TRMT1: variants seen among roughly 807,000 people sequenced by gnomAD.
The protein encoded by TRMT1 is tRNA (guanine(26)-N(2))-dimethyltransferase.
In TRMT1, 63 loss-of-function variants were observed where a neutral mutation model predicts 75.4. The observed-to-expected ratio is 0.84, with a 90% CI of 0.68 to 1.03. The LOEUF is 1.03. Ranked by LOEUF, TRMT1 falls within the 50% of genes least tolerant of loss-of-function variation. The pLI is 0.00. For missense variants in TRMT1, 870 were observed against 905.3 expected (o/e 0.96, Z 0.50); for synonymous variants, 382 against 358.1 (o/e 1.07, Z -0.75).
At chr19:13,110,420 C>T (rs1190341770) in intron 7 of TRMT1, 114 bp from the exon 8 acceptor site, 11 of 1,288,658 alleles carry the variant, frequency 8.5e-6, no homozygotes, top group South Asian at 3.1e-5. Context: ...GATCCAAGCC[C>T]ACCCCTGAAA....
chr19:13,115,689 T>C lies in TRMT1; in HGVS notation c.390A>G (p.Lys130=). 1 of 1,613,960 alleles carries C rather than the reference T, an allele frequency of 6.2e-7. No individual in the cohort carries two copies. The highest frequency in any genetic ancestry group is 1.7e-5 in the Admixed American group (1 of 60,020). Residue 130 remains lysine, a synonymous_variant, in exon 4 of 17, where the codon AAA becomes AAG. Coordinates refer to ENST00000357720, the MANE Select transcript of TRMT1 (RefSeq NM_001136035.4). The part of the protein sequence containing the change: ...SEQEEEKVEL[K]ESENLASGDQ... The stretch of plus-strand genomic sequence containing the variant: ...CTCCTGAGGCCAGGTTTTCACTCTC[T>C]TTCAGTTCAACCTTTTCCTCCTCTT...
At position 13,109,357 on chromosome 19, in the gene TRMT1, C is replaced by T. The variant is rs766151293; in HGVS notation, c.1397+24G>A. The T allele has an allele frequency of 5.6e-6, 9 of 1,611,866 alleles. No individual in the cohort carries two copies. In the South Asian group the frequency reaches 7.7e-5, roughly 14 times the overall value. On this transcript the variant is annotated intron_variant, in intron 12 of 16. Transcript: ENST00000357720. ...GCCACCCTGTGGTCTGGGACAGGCT[C>T]CTCCCGACCCCAGGGGCTCTTACCG...
chr19:13,114,333 C>T (rs965760545), intron 5 of TRMT1, among the ~76,000 whole-genome samples: 12 of 152,046 alleles, frequency 7.9e-5, no homozygotes, highest in Admixed American at 6.6e-5. Flanking sequence ...ACTAGCCTGG[C>T]CAACATGGCA....
chr19:13,113,015 G>C lies in TRMT1; in HGVS notation c.642-4C>G. 1.2e-6 allele frequency: 2 copies of C among 1,603,866 alleles called. No individual in the cohort carries two copies. Among genetic ancestry groups the C allele is most frequent in the Non-Finnish European group, 1.7e-6 (2 of 1,174,708 alleles). Reference sequence around the variant, plus strand: ...CTGGTGCTGGTACATCAGCATCCTGGGTGCAAAGAGGGCCAGGTCCTCAGC... The same window carrying C: ...CTGGTGCTGGTACATCAGCATCCTGCGTGCAAAGAGGGCCAGGTCCTCAGC... On this transcript the variant is annotated splice_polypyrimidine_tract_variant and splice_region_variant and intron_variant, in intron 5 of 16. Coordinates refer to ENST00000357720, the MANE Select transcript of TRMT1 (RefSeq NM_001136035.4).
At chr19:13,110,979 G>A (rs1168396755) in intron 7 of TRMT1, among the ~76,000 whole-genome samples, 1 of 152,082 alleles carries the variant, frequency 6.6e-6, no homozygotes, top group Non-Finnish European at 1.5e-5. Context: ...AAACGGCTAG[G>A]GCTTTCCTGC....
At position 13,105,625 on chromosome 19, in the gene TRMT1, G is replaced by A. The variant is rs754450605; in HGVS notation, c.1584-19C>T. 13 of 1,605,542 alleles carry A rather than the reference G, an allele frequency of 8.1e-6. No individual in the cohort carries two copies. The highest frequency in any genetic ancestry group is 8.5e-7 in the Non-Finnish European group (1 of 1,176,398). The stretch of plus-strand genomic sequence containing the variant: ...CTGCAGCCTAGGGAAGCAGGGGTGG[G>A]GCGTTGGGGCTGGGGGAAGCTGCCA... On this transcript the variant is annotated intron_variant, in intron 14 of 16. Coordinates refer to ENST00000357720, the MANE Select transcript of TRMT1 (RefSeq NM_001136035.4).
rs1277951658 is a variant in TRMT1 at position 13,109,431 on chromosome 19, G to T, written c.1347C>A (p.Asp449Glu). The T allele has an allele frequency of 6.2e-7, 1 of 1,613,576 alleles. No homozygotes were observed. The highest frequency in any genetic ancestry group is 8.5e-7 in the Non-Finnish European group (1 of 1,180,010). The part of the protein sequence containing the change: ...LPDVPLYYTL[D>E]QLSSTIHCNT... ...TGCAGTGGATGGTGCTGCTCAGCTGGTCCAGGGTGTAGTACAGAGGCACGT... is the reference window on the plus strand; with the variant it reads ...TGCAGTGGATGGTGCTGCTCAGCTGTTCCAGGGTGTAGTACAGAGGCACGT... The change falls in exon 12 of 17, where the codon GAC becomes GAA. Residue 449 changes from aspartate to glutamate, a missense_variant. Coordinates refer to ENST00000357720, the MANE Select transcript of TRMT1 (RefSeq NM_001136035.4).
Position 13,110,314 on chromosome 19 carries a change from TGGGG to T in TRMT1, c.871-12_871-9del. The T allele has an allele frequency of 1.7e-6, 1 of 604,304 alleles. No individual in the cohort carries two copies. The highest frequency in any genetic ancestry group is 3.0e-6 in the Non-Finnish European group (1 of 338,196). The allele number at this position is 604,304 out of a possible 1,614,324, so 37.4% of individuals were successfully genotyped here. A position where few individuals can be genotyped will look rare whatever the true frequency, so the allele number is the denominator to read the frequency against. ...CAGGACGATTCTCAGGGCCTGGGGG[TGGGG>T]GGTGGGTGTCAGCCTCCCCTCCACT... On this transcript the variant is annotated splice_polypyrimidine_tract_variant and intron_variant, in intron 7 of 16. Coordinates refer to ENST00000357720, the MANE Select transcript of TRMT1 (RefSeq NM_001136035.4).
At chr19:13,109,085 GGTGTGT>G (rs57825932) in intron 12 of TRMT1, among the ~76,000 whole-genome samples, 12 of 147,352 alleles carry the variant, frequency 8.1e-5, no homozygotes, top group African/African-American at 2.2e-4. Flanking sequence ...CAGGCTAATG[GGTGTGT>G]GTGTGTGTGT....
chr19:13,115,207 G>A (rs1449149095), intron 5 of TRMT1, 72 bp downstream of exon 5: 53 of 1,489,096 alleles, frequency 3.6e-5, no homozygotes, highest in Non-Finnish European at 4.7e-5. Flanking sequence ...CACAGAGTGA[G>A]AATGTGACAG....
intron 5 of TRMT1, among the ~76,000 whole-genome samples, chr19:13,115,061 T>C (rs1156312195): frequency 6.6e-6 from 1 of 152,230 alleles, no homozygotes. Context: ...ACCAGGATGC[T>C]ACTTATTTCT....
intron 5 of TRMT1, among the ~76,000 whole-genome samples, chr19:13,114,313 G>A (rs980638671): frequency 6.6e-6 from 1 of 152,180 alleles, no homozygotes; most frequent in African/African-American, 2.4e-5. Context: ...CTTGAGGTCA[G>A]GAGTTTGAGA....
At chr19:13,115,828 C>T (rs1209487532) in intron 3 of TRMT1, 60 bp from the exon 4 acceptor site, 13 of 1,610,120 alleles carry the variant, frequency 8.1e-6, no homozygotes, top group Non-Finnish European at 9.3e-6. Flanking sequence ...GAAACCTCCC[C>T]TTAATCTCCA....
intron 7 of TRMT1, among the ~76,000 whole-genome samples, chr19:13,111,797 TC>T: frequency 6.6e-6 from 1 of 151,964 alleles, no homozygotes; most frequent in Non-Finnish European, 1.5e-5. Flanking sequence ...CCTCCTGGGT[TC>T]ACGCCATTCT....
chr19:13,106,700 T>C (rs1278531037), intron 14 of TRMT1, among the ~76,000 whole-genome samples: 1 of 151,384 alleles, frequency 6.6e-6, no homozygotes, highest in Admixed American at 6.6e-5. Context: ...TTGGCCAGGC[T>C]GGTCTTGAAC....
chr19:13,105,976 C>T (rs770945723), intron 14 of TRMT1, among the ~76,000 whole-genome samples: 10 of 152,070 alleles, frequency 6.6e-5, no homozygotes, highest in Non-Finnish European at 1.0e-4. Flanking sequence ...GCAGGAGAAT[C>T]GCTTGAACCT....
At position 13,115,365 on chromosome 19, in the gene TRMT1, G is replaced by C. The variant is rs761768101; in HGVS notation, c.555C>G (p.Ala185=). Residue 185 remains alanine, a synonymous_variant, in exon 5 of 17, where the codon GCC becomes GCG. Coordinates refer to ENST00000357720, the MANE Select transcript of TRMT1 (RefSeq NM_001136035.4). The part of the protein sequence containing the change: ...PGLRSVVAND[A]STRAVDLIRR... ...GTATGAGATCCACAGCCCGGGTGGA[G>C]GCATCGTTTGCAACCACAGATCTGA... 2 of 1,614,086 alleles carry C rather than the reference G, an allele frequency of 1.2e-6. No homozygotes were observed. The highest frequency in any genetic ancestry group is 1.3e-5 in the African/African-American group (1 of 75,044).
In TRMT1 at chr19:13,110,271, G is replaced by A. The variant is rs368603050; in HGVS notation, c.906C>T (p.Arg302=). The change falls in exon 8 of 17, where the codon CGC becomes CGT. Residue 302 remains arginine (R), a synonymous_variant. Coordinates refer to ENST00000357720, the MANE Select transcript of TRMT1 (RefSeq NM_001136035.4). Reference sequence around the variant, plus strand: ...CCACGAAGCGCTGGTAGCAGTTGGCGCGGAGGTCCAGGCTGTGCAGGACGA... The same window carrying A: ...CCACGAAGCGCTGGTAGCAGTTGGCACGGAGGTCCAGGCTGTGCAGGACGA... ...LRIVLHSLDL[R]ANCYQRFVVP... 109 of 1,609,682 alleles carry A rather than the reference G, an allele frequency of 6.8e-5. No individual in the cohort carries two copies. Among genetic ancestry groups the A allele is most frequent in the South Asian group, 2.4e-4 (22 of 90,912 alleles).
chr19:13,116,648 C>A lies in TRMT1; in HGVS notation c.-33+5G>T. On this transcript the variant is annotated splice_donor_5th_base_variant and intron_variant, in intron 1 of 16. Coordinates refer to ENST00000357720, the MANE Select transcript of TRMT1 (RefSeq NM_001136035.4). ...CCCTCCCCGCGCTGCCTAGCCCGTC[C>A]TCACCTGCTCTCGTAGCCACAGAAA... is the stretch of plus-strand genomic sequence containing the variant. The A allele has an allele frequency of 1.8e-6, 1 of 547,222 alleles. No homozygotes were observed. The highest frequency in any genetic ancestry group is 3.1e-5 in the East Asian group (1 of 32,676). 33.9% of individuals were successfully genotyped at this position (547,222 alleles called of 1,614,324 possible). A position where few individuals can be genotyped will look rare whatever the true frequency, so the allele number is the denominator to read the frequency against.
Sources: gnomAD v4.1 joint callset for allele counts (sites outside exome capture counted in the v4.1 genomes callset) on GRCh38, gnomAD v4.1.1 for gene constraint, MANE v1.5 for transcripts, NCBI Gene and HGNC (gene_info 2026-07-23, HGNC 2026-07-21) for gene names.